The following PAK5 variants were observed in gnomAD, a reference collection of about 807,000 sequenced individuals.
PAK5 encodes p21 (RAC1) activated kinase 5.
Under a neutral mutation model 65.9 loss-of-function variants are expected in PAK5, and 16 were observed. That is an observed-to-expected ratio of 0.24 (90% CI 0.16 to 0.37). PAK5 has a LOEUF of 0.37. PAK5 is among the 10% of genes least tolerant of loss of function. The pLI, the probability that PAK5 is intolerant of heterozygous loss-of-function variation, is 1.00. For synonymous variants in PAK5, 371 were observed against 354.9 expected (o/e 1.05, Z -0.51); for missense variants, 785 against 903.9 (o/e 0.87, Z 1.69).
chr20:9,581,690 G>T (rs749422666), intron 3 of PAK5, among the ~76,000 whole-genome samples: 3 of 152,104 alleles, frequency 2.0e-5, no homozygotes, highest in Admixed American at 2.0e-4. Context: ...GTGACAAATT[G>T]TTCCCTTTAA....
intron 1 of PAK5, among the ~76,000 whole-genome samples, chr20:9,820,774 G>A (rs965610125): frequency 6.6e-6 from 1 of 152,192 alleles, no homozygotes; most frequent in Non-Finnish European, 1.5e-5. Flanking sequence ...GTTGTCTTCT[G>A]AAGCTGTGTA....
At chr20:9,542,032 T>G (rs2045273243) in intron 9 of PAK5, among the ~76,000 whole-genome samples, 1 of 152,200 alleles carries the variant, frequency 6.6e-6, no homozygotes, top group Non-Finnish European at 1.5e-5. Context: ...CAGTCTTGGG[T>G]ATTTCTTTAT....
chr20:9,665,521 G>A (rs1266499618), intron 2 of PAK5, among the ~76,000 whole-genome samples: 1 of 151,696 alleles, frequency 6.6e-6, no homozygotes, highest in African/African-American at 2.4e-5. Context: ...CTTGCTCTGT[G>A]ACCCAGACTG....
intron 3 of PAK5, among the ~76,000 whole-genome samples, chr20:9,620,675 C>T (rs1284846517): frequency 6.6e-6 from 1 of 152,068 alleles, no homozygotes; most frequent in Admixed American, 6.5e-5. Context: ...CATGGATTTC[C>T]CAGCTCTGGA....
At chr20:9,681,049 C>T (rs1198702062) in intron 2 of PAK5, among the ~76,000 whole-genome samples, 3 of 152,044 alleles carry the variant, frequency 2.0e-5, no homozygotes, top group Non-Finnish European at 4.4e-5. Context: ...TCAATTTTTG[C>T]GTCTATGTTG....
At chr20:9,823,643 T>C (rs574302931) in intron 1 of PAK5, among the ~76,000 whole-genome samples, 1 of 152,354 alleles carries the variant, frequency 6.6e-6, no homozygotes, top group East Asian at 1.9e-4. Flanking sequence ...TGTGAGTCCA[T>C]TAAACCTCTT....
intron 3 of PAK5, among the ~76,000 whole-genome samples, chr20:9,614,928 T>A (rs528733289): frequency 6.6e-6 from 1 of 152,206 alleles, no homozygotes; most frequent in Non-Finnish European, 1.5e-5. Flanking sequence ...TAAAATGAAA[T>A]TTTTAACTTG....
At position 9,538,844 on chromosome 20, in the gene PAK5, TGA is replaced by T. The variant is rs2045211400; in HGVS notation, c.*616_*617del. 1 of 233,306 alleles carries T rather than the reference TGA, an allele frequency of 4.3e-6. No individual in the cohort carries two copies. The highest frequency in any genetic ancestry group is 8.5e-6 in the Non-Finnish European group (1 of 117,826). 14.5% of individuals were successfully genotyped at this position (233,306 alleles called of 1,614,324 possible). On this transcript the variant is annotated 3_prime_UTR_variant, in exon 10 of 10. Transcript: ENST00000353224. ...AGATTTTACTAAAGCTGACGGTGAT[TGA>T]GAGTCATTCAGTATTCAAAGTTCCT...
chr20:9,777,283 C>G (rs1453997211), intron 1 of PAK5, among the ~76,000 whole-genome samples: 1 of 152,168 alleles, frequency 6.6e-6, no homozygotes, highest in Non-Finnish European at 1.5e-5. Flanking sequence ...TGTCCCCACC[C>G]AAATCTCCTC....
At chr20:9,663,910 G>A (rs1430056762) in intron 2 of PAK5, among the ~76,000 whole-genome samples, 4 of 152,164 alleles carry the variant, frequency 2.6e-5, no homozygotes, top group Non-Finnish European at 1.5e-5. Context: ...AGGCTCATCA[G>A]TAGTGGAATG....
chr20:9,556,334 C>T (rs948699076), intron 7 of PAK5, among the ~76,000 whole-genome samples: 2 of 152,220 alleles, frequency 1.3e-5, no homozygotes, highest in African/African-American at 4.8e-5. Context: ...CTATACTTTT[C>T]TGAGTTTACT....
At chr20:9,783,790 G>A (rs1264689925) in intron 1 of PAK5, among the ~76,000 whole-genome samples, 1 of 152,246 alleles carries the variant, frequency 6.6e-6, no homozygotes, top group East Asian at 1.9e-4. Flanking sequence ...AGAAACAGTG[G>A]TTGTCTCATT....
At chr20:9,713,704 C>T (rs1600276939) in intron 1 of PAK5, among the ~76,000 whole-genome samples, 1 of 152,010 alleles carries the variant, frequency 6.6e-6, no homozygotes, top group East Asian at 1.9e-4. Flanking sequence ...TAATTTCTGT[C>T]ACTGGCAGCA....
rs1159968788 is a variant in PAK5, at chr20:9,557,513, A to C, written c.1743+95T>G. The C allele has an allele frequency of 6.7e-6, 7 of 1,048,724 alleles. No homozygotes were observed. In the South Asian group the frequency reaches 1.4e-4, roughly 21 times the overall value. The allele number at this position is 1,048,724 out of a possible 1,614,324, so 65.0% of individuals were successfully genotyped here. On this transcript the variant is annotated intron_variant, in intron 7 of 9. Coordinates refer to ENST00000353224, the MANE Select transcript of PAK5 (RefSeq NM_177990.4). Reference sequence around the variant, plus strand: ...AGTAGGTGACTTGTGACTAAGAAAAATTAGAGTTATAAAAAAGTGTTTCTA... The same window carrying C: ...AGTAGGTGACTTGTGACTAAGAAAACTTAGAGTTATAAAAAAGTGTTTCTA...
chr20:9,803,312 C>G (rs1245657883), intron 1 of PAK5, among the ~76,000 whole-genome samples: 1 of 151,970 alleles, frequency 6.6e-6, no homozygotes, highest in African/African-American at 2.4e-5. Context: ...AATCAATGAC[C>G]ACTTACTACG....
chr20:9,734,325 G>A (rs561870450), intron 1 of PAK5, among the ~76,000 whole-genome samples: 3 of 152,198 alleles, frequency 2.0e-5, no homozygotes, highest in South Asian at 2.1e-4. Flanking sequence ...AGCTAGGATG[G>A]CCTCCATGGA....
chr20:9,816,052 G>C (rs899170865), intron 1 of PAK5, among the ~76,000 whole-genome samples: 2 of 152,130 alleles, frequency 1.3e-5, no homozygotes, highest in Non-Finnish European at 2.9e-5. Context: ...TGAATTATAG[G>C]AGATTGGAAC....
chr20:9,672,803 C>T (rs1055511392), intron 2 of PAK5, among the ~76,000 whole-genome samples: 8 of 152,238 alleles, frequency 5.3e-5, no homozygotes, highest in African/African-American at 1.4e-4. Flanking sequence ...TTTTACTTTG[C>T]CCACATATAC....
rs1315552334 is a variant in PAK5, at chr20:9,538,589, T to C, written c.*873A>G. The C allele has an allele frequency of 1.3e-5, 3 of 233,168 alleles. No individual in the cohort carries two copies. The highest frequency in any genetic ancestry group is 6.0e-5 in the East Asian group (1 of 16,546). The allele number at this position is 233,168 out of a possible 1,614,324, so 14.4% of individuals were successfully genotyped here. ...GCCACAAGGGAACATTGTACCCATT[T>C]GAGAAAGGGCACTGAGGGAAACATT... On this transcript the variant is annotated 3_prime_UTR_variant, in exon 10 of 10. Transcript: ENST00000353224.
Sources: allele counts gnomAD v4.1 joint callset (sites outside exome capture counted in the v4.1 genomes callset), GRCh38; gene constraint gnomAD v4.1.1; transcripts MANE v1.5; gene names NCBI Gene and HGNC (gene_info 2026-07-23, HGNC 2026-07-21).